The following NPTXR variants were observed in gnomAD, a reference collection of about 807,000 sequenced individuals.
NPTXR encodes neuronal pentraxin receptor.
In NPTXR, 12 loss-of-function variants were observed where a neutral mutation model predicts 32.2. The ratio of observed to expected loss-of-function variants is 0.37; its 90% CI spans 0.24 to 0.60. The LOEUF is 0.60. Ranked by LOEUF, NPTXR falls within the 20% of genes least tolerant of loss-of-function variation. NPTXR has a pLI of 0.66. For missense variants in NPTXR, 612 were observed against 682.9 expected, an observed-to-expected ratio of 0.90 and a Z score of 1.16; for synonymous variants, 323 against 315.8, an observed-to-expected ratio of 1.02 and a Z score of -0.24.
At chr22:38,828,739 C>A (rs1305538519) in intron 1 of NPTXR, among the ~76,000 whole-genome samples, 1 of 152,218 alleles carries the variant, frequency 6.6e-6, no homozygotes, top group South Asian at 2.1e-4. Context: ...GCAGAGCTGG[C>A]CCCGGCCCTC....
chr22:38,826,953 T>C lies in NPTXR; in HGVS notation c.851-206A>G, dbSNP rs114842390. 2.4e-3 allele frequency among the ~76,000 whole-genome samples: 370 copies of C among 152,270 alleles called. 3 individuals are homozygous for C. The highest frequency in any genetic ancestry group is 8.7e-3 in the African/African-American group (362 of 41,548). ...GGACCTTAGATGTCCTGAGACCAAATCTCGTCTCCCCCACTTCCCAGCCAC... is the reference window on the plus strand; with the variant it reads ...GGACCTTAGATGTCCTGAGACCAAACCTCGTCTCCCCCACTTCCCAGCCAC... On this transcript the variant is annotated intron_variant, in intron 2 of 4. Transcript: ENST00000333039.
Position 38,843,396 on chromosome 22 carries a change from T to C in NPTXR, c.463A>G (p.Thr155Ala), listed in dbSNP as rs1158017068. Residue 155 changes from threonine to alanine, a missense_variant, in exon 1 of 5, where the codon ACC (threonine) becomes GCC (alanine). By Grantham distance (58) the Thr-to-Ala change is moderately conservative (BLOSUM62 0). Transcript: ENST00000333039. The surrounding 1 kb of genome is among the most constrained non-coding windows in gnomAD (Gnocchi z 5.3). ...CTCTCGCAGCGGCCCAGCTTGCCGG[T>C]GAGCTCACGGATGGTGTCCTGGTCG... is the stretch of plus-strand genomic sequence containing the variant. The C allele has an allele frequency of 2.1e-6, 3 of 1,414,594 alleles. No homozygotes were observed. Among genetic ancestry groups the C allele is most frequent in the Non-Finnish European group, 2.7e-6 (3 of 1,093,334 alleles). 87.6% of individuals were successfully genotyped at this position (1,414,594 alleles called of 1,614,324 possible).
intron 3 of NPTXR, among the ~76,000 whole-genome samples, chr22:38,823,719 T>C (rs1239761168): frequency 6.6e-6 from 1 of 152,112 alleles, no homozygotes; most frequent in Admixed American, 6.5e-5. Context: ...GGCTGCTCCT[T>C]CCTCCCTGGG....
In NPTXR at chr22:38,821,996, G is replaced by A. The variant is rs8140217; in HGVS notation, c.*613C>T. The A allele has an allele frequency of 0.17, 25,156 of 146,452 alleles. 2,181 individuals carry two copies. Among genetic ancestry groups the A allele is most frequent in the Middle Eastern group, 0.24 (61 of 254 alleles). The allele number at this position is 146,452 out of a possible 1,614,324, so 9.1% of individuals were successfully genotyped here. A position where few individuals can be genotyped will look rare whatever the true frequency, so the allele number is the denominator to read the frequency against. ...CTGAGGTGGGGCTGGGCCAGGCATG[G>A]AACCAACATTCAAACCGCTACACAC... On this transcript the variant is annotated 3_prime_UTR_variant, in exon 5 of 5. Transcript: ENST00000333039.
In NPTXR at chr22:38,843,653, G is replaced by C; in HGVS notation, c.206C>G (p.Ala69Gly). The change falls in exon 1 of 5, where the codon GCC (alanine) becomes GGC (glycine). Residue 69 changes from alanine (A) to glycine (G), a missense_variant. Coordinates refer to ENST00000333039, the MANE Select transcript of NPTXR (RefSeq NM_014293.4). This position sits in a 1 kb window ranked among gnomAD's most constrained non-coding sequence, Gnocchi z 5.3. Reference sequence around the variant, plus strand: ...TGCCCCGGGCAGCGCGGGGGGCCCGGCTGAACCGCCCGCGCCGTGCAGCGC... The same window carrying C: ...TGCCCCGGGCAGCGCGGGGGGCCCGCCTGAACCGCCCGCGCCGTGCAGCGC... The C allele has an allele frequency of 9.5e-7, 1 of 1,049,804 alleles. No individual in the cohort carries two copies. The highest frequency in any genetic ancestry group is 1.1e-6 in the Non-Finnish European group (1 of 874,104). The allele number at this position is 1,049,804 out of a possible 1,614,324, so 65.0% of individuals were successfully genotyped here. A position where few individuals can be genotyped will look rare whatever the true frequency, so the allele number is the denominator to read the frequency against.
chr22:38,828,448 C>T lies in NPTXR; in HGVS notation c.689G>A (p.Gly230Asp), dbSNP rs192020239. 1.2e-6 allele frequency: 2 copies of T among 1,604,998 alleles called. No individual in the cohort carries two copies. The highest frequency in any genetic ancestry group is 2.2e-5 in the East Asian group (1 of 44,520). ...CAGCTGGTCCATCTTGGAGTGTAGGCCGGTGGGCACAGCAGAGACTGGGGC... is the reference window on the plus strand; with the variant it reads ...CAGCTGGTCCATCTTGGAGTGTAGGTCGGTGGGCACAGCAGAGACTGGGGC... The change falls in exon 2 of 5, where the codon GGC becomes GAC. Residue 230 changes from glycine (G) to aspartate (D), a missense_variant. Coordinates refer to ENST00000333039, the MANE Select transcript of NPTXR (RefSeq NM_014293.4).
intron 1 of NPTXR, among the ~76,000 whole-genome samples, chr22:38,841,005 G>C (rs1290108912): frequency 6.6e-6 from 1 of 152,184 alleles, no homozygotes; most frequent in Non-Finnish European, 1.5e-5. Context: ...GGGGACATTA[G>C]CAAGAGCACC....
intron 1 of NPTXR, among the ~76,000 whole-genome samples, chr22:38,842,677 G>C (rs111411416): frequency 6.6e-6 from 1 of 152,280 alleles, no homozygotes; most frequent in Non-Finnish European, 1.5e-5. Flanking sequence ...GTCATAGTCT[G>C]AGCCAGAGTG....
chr22:38,828,648 T>C, intron 1 of NPTXR, 136 bp from the exon 2 acceptor site: 1 of 664,810 alleles, frequency 1.5e-6, no homozygotes, highest in South Asian at 1.9e-5. Context: ...GGAATGACAA[T>C]GGCCAACATC....
intron 2 of NPTXR, 108 bp from the exon 3 acceptor site, chr22:38,826,855 C>T: frequency 7.7e-7 from 1 of 1,301,836 alleles, no homozygotes; most frequent in Non-Finnish European, 1.1e-6. Context: ...GCACCTGCTG[C>T]ATGCCCAGTG....
intron 1 of NPTXR, among the ~76,000 whole-genome samples, chr22:38,830,561 C>T (rs910455113): frequency 9.2e-5 from 14 of 152,168 alleles, no homozygotes; most frequent in African/African-American, 2.7e-4. Context: ...CTGGCTCGCC[C>T]GCCCCCTCTG....
intron 3 of NPTXR, among the ~76,000 whole-genome samples, chr22:38,823,730 C>A (rs1041532294): frequency 3.3e-5 from 5 of 152,200 alleles, no homozygotes; most frequent in African/African-American, 1.2e-4. Flanking sequence ...CCTCCCTGGG[C>A]CTCAGTTTCC....
chr22:38,837,410 C>T (rs776386028), intron 1 of NPTXR, among the ~76,000 whole-genome samples: 10 of 152,250 alleles, frequency 6.6e-5, no homozygotes, highest in Non-Finnish European at 1.2e-4. Flanking sequence ...GCCCTCCTCA[C>T]TGCCAAACAG....
At position 38,823,163 on chromosome 22, in the gene NPTXR, C is replaced by T; in HGVS notation, c.1198G>A (p.Glu400Lys). Residue 400 changes from glutamate (E) to lysine (K), a missense_variant, in exon 4 of 5, where the codon GAG becomes AAG. Physicochemically the swap from Glu to Lys is moderately conservative, Grantham distance 56. Transcript: ENST00000333039. ...AGGTTCTCACCGGAGCCCTGCAGCT[C>T]CCCGTCCTGGTAGGCAGACCATAGG... 6.2e-7 allele frequency: 1 copy of T among 1,614,136 alleles called. No individual in the cohort carries two copies. Among genetic ancestry groups the T allele is most frequent in the Non-Finnish European group, 8.5e-7 (1 of 1,180,028 alleles).
intron 3 of NPTXR, among the ~76,000 whole-genome samples, chr22:38,823,837 CT>C (rs1336064450): frequency 6.6e-6 from 1 of 152,210 alleles, no homozygotes; most frequent in African/African-American, 2.4e-5. Context: ...AATCACGAGC[CT>C]CGATTTAGCT....
At chr22:38,830,772 C>T (rs934494721) in intron 1 of NPTXR, among the ~76,000 whole-genome samples, 3 of 152,136 alleles carry the variant, frequency 2.0e-5, no homozygotes, top group Non-Finnish European at 4.4e-5. Context: ...CCTCTCCATT[C>T]CAGGCTGTAA....
chr22:38,829,707 C>T (rs1192875623), intron 1 of NPTXR, among the ~76,000 whole-genome samples: 1 of 152,192 alleles, frequency 6.6e-6, no homozygotes, highest in African/African-American at 2.4e-5. Flanking sequence ...GAACTCATTG[C>T]ATTCTGTGAT....
intron 4 of NPTXR, 36 bp from the exon 5 acceptor site, chr22:38,822,869 G>T: frequency 6.3e-7 from 1 of 1,578,702 alleles, no homozygotes. Context: ...GGAGAGGCAT[G>T]GAGTGAGGGA....
rs775179493 is a variant in NPTXR at position 38,843,342 on chromosome 22, C to G, written c.517G>C (p.Gly173Arg). The change falls in exon 1 of 5, where the codon GGG becomes CGG. Residue 173 changes from glycine (G) to arginine (R), a missense_variant. Gly to Arg is a moderately radical substitution (Grantham distance 125). Coordinates refer to ENST00000333039, the MANE Select transcript of NPTXR (RefSeq NM_014293.4). The surrounding 1 kb of genome is among the most constrained non-coding windows in gnomAD (Gnocchi z 5.3). ...TCGGCCATGGTGTCGCGGCGGGGCC[C>G]GGCGCCCTGGAGGCCGCGCGGCAGG... 1 of 1,414,218 alleles carries G rather than the reference C, an allele frequency of 7.1e-7. No individual in the cohort carries two copies. The highest frequency in any genetic ancestry group is 9.2e-7 in the Non-Finnish European group (1 of 1,091,840). 87.6% of individuals were successfully genotyped at this position (1,414,218 alleles called of 1,614,324 possible).
Sources: allele counts gnomAD v4.1 joint callset (sites outside exome capture counted in the v4.1 genomes callset), GRCh38; gene constraint gnomAD v4.1.1; non-coding constraint Gnocchi (gnomAD v3.1); transcripts MANE v1.5; gene names NCBI Gene and HGNC (gene_info 2026-07-23, HGNC 2026-07-21).